Variants in SRC observed in about 807,000 individuals in gnomAD.
The protein encoded by SRC is proto-oncogene tyrosine-protein kinase Src.
In SRC, 13 loss-of-function variants were observed where a neutral mutation model predicts 62.9. That is an observed-to-expected ratio of 0.21 (90% CI 0.13 to 0.33). The LOEUF is 0.33. Among genes scored for constraint, SRC ranks in the 10% least tolerant of loss-of-function variants. The pLI is 1.00. For synonymous variants in SRC, 302 were observed against 317.5 expected (o/e 0.95, Z 0.52); for missense variants, 457 against 737.3 (o/e 0.62, Z 4.40).
chr20:37,366,045 A>G (rs1463221878), intron 2 of SRC, among the ~76,000 whole-genome samples: 3 of 152,166 alleles, frequency 2.0e-5, no homozygotes, highest in Non-Finnish European at 2.9e-5. Context: ...TATGGTAGTC[A>G]CACTTTATTT....
At chr20:37,389,298 C>T (rs750019158) in intron 5 of SRC, among the ~76,000 whole-genome samples, 8 of 152,134 alleles carry the variant, frequency 5.3e-5, no homozygotes, top group Non-Finnish European at 1.2e-4. Context: ...CTGAACTGCC[C>T]CTTCCTCCCA....
chr20:37,383,933 C>G (rs570370425), intron 3 of SRC, among the ~76,000 whole-genome samples: 3 of 151,530 alleles, frequency 2.0e-5, no homozygotes, highest in African/African-American at 4.9e-5. Flanking sequence ...CCCGGGTTTC[C>G]GCGTGTTGGC....
intron 2 of SRC, among the ~76,000 whole-genome samples, 169 bp downstream of exon 2, chr20:37,365,446 A>G (rs2070048827): frequency 1.3e-5 from 2 of 152,138 alleles, no homozygotes; most frequent in South Asian, 4.2e-4. Context: ...TTTCTGGTGT[A>G]TCCTTCCAGG....
In SRC at chr20:37,393,964, G is replaced by T; in HGVS notation, c.420G>T (p.Val140=). 6.2e-7 allele frequency: 1 copy of T among 1,614,110 alleles called. No individual in the cohort carries two copies. The highest frequency in any genetic ancestry group is 8.5e-7 in the Non-Finnish European group (1 of 1,180,034). The part of the protein sequence containing the change: ...GQTGYIPSNY[V]APSDSIQAEE... ...CAGGCTACATCCCCAGCAACTACGT[G>T]GCGCCCTCCGACTCCATCCAGGCTG... Residue 140 remains valine (V), a synonymous_variant, in exon 6 of 14, where the codon GTG becomes GTT. Transcript: ENST00000373578.
chr20:37,402,289 G>A lies in SRC; in HGVS notation c.1117-146G>A, dbSNP rs75373370. On this transcript the variant is annotated intron_variant, in intron 11 of 13. Transcript: ENST00000373578. This position sits in a 1 kb window ranked among gnomAD's most constrained non-coding sequence, Gnocchi z 6.2. Reference sequence around the variant, plus strand: ...ACTGCTCCTGCTTTCGATGCCAACAGCATTTACTGTGAACTGACCTCACTT... The same window carrying A: ...ACTGCTCCTGCTTTCGATGCCAACAACATTTACTGTGAACTGACCTCACTT... 4,699 of 945,828 alleles carry A rather than the reference G, an allele frequency of 5.0e-3. 166 individuals carry two copies. In the African/African-American group the frequency reaches 0.069, roughly 14 times the overall value. The allele number at this position is 945,828 out of a possible 1,614,324, so 58.6% of individuals were successfully genotyped here.
chr20:37,373,375 T>TGC (rs2070219870), intron 2 of SRC, among the ~76,000 whole-genome samples: 1 of 147,310 alleles, frequency 6.8e-6, no homozygotes, highest in Non-Finnish European at 1.5e-5. Context: ...TACACATATA[T>TGC]GTACATTATA....
chr20:37,374,678 G>C (rs753128337), intron 2 of SRC, among the ~76,000 whole-genome samples: 1 of 148,760 alleles, frequency 6.7e-6, no homozygotes, highest in Non-Finnish European at 1.5e-5. Flanking sequence ...AGGTTTAAGC[G>C]ACTCTCATGT....
intron 1 of SRC, among the ~76,000 whole-genome samples, chr20:37,349,082 C>T (rs111887860): frequency 6.6e-6 from 1 of 152,152 alleles, no homozygotes; most frequent in African/African-American, 2.4e-5. Flanking sequence ...CATTGTCACA[C>T]AGGGGGCTGA....
chr20:37,387,660 C>A (rs1181069784), intron 5 of SRC, among the ~76,000 whole-genome samples: 1 of 152,202 alleles, frequency 6.6e-6, no homozygotes, highest in Non-Finnish European at 1.5e-5. Context: ...GTGTCTGCTT[C>A]CCCCCTAAAC....
At chr20:37,388,937 T>G (rs754626) in intron 5 of SRC, among the ~76,000 whole-genome samples, 36,776 of 152,022 alleles carry the variant, frequency 0.24, 4,801 homozygotes, top group African/African-American at 0.31. Flanking sequence ...CAGGGCCTAT[T>G]ACTGTGCAGT....
rs2070795615 is a variant in SRC at position 37,404,576 on chromosome 20, G to C, written c.*1197G>C. The C allele has an allele frequency of 4.3e-6, 1 of 233,630 alleles. No homozygotes were observed. Among genetic ancestry groups the C allele is most frequent in the South Asian group, 1.8e-4 (1 of 5,536 alleles). The allele number at this position is 233,630 out of a possible 1,614,324, so 14.5% of individuals were successfully genotyped here. A position where few individuals can be genotyped will look rare whatever the true frequency, so the allele number is the denominator to read the frequency against. The stretch of plus-strand genomic sequence containing the variant: ...GAGGGAAAAGAGTGCCTAAGCGGGG[G>C]TGAAAGAGGACGTGTTACCCACTGC... On this transcript the variant is annotated 3_prime_UTR_variant, in exon 14 of 14. Transcript: ENST00000373578.
At chr20:37,346,730 A>G (rs927964709) in intron 1 of SRC, among the ~76,000 whole-genome samples, 14 of 152,150 alleles carry the variant, frequency 9.2e-5, no homozygotes, top group Admixed American at 8.5e-4. Context: ...GCCAGGCCGA[A>G]CTGCCAGGAC....
At chr20:37,391,314 G>C (rs2070544058) in intron 5 of SRC, among the ~76,000 whole-genome samples, 1 of 152,184 alleles carries the variant, frequency 6.6e-6, no homozygotes. Context: ...TCTGGGGCCT[G>C]GGGAGGCCCT....
intron 2 of SRC, among the ~76,000 whole-genome samples, chr20:37,379,041 G>C (rs1476919740): frequency 1.3e-5 from 2 of 152,084 alleles, no homozygotes; most frequent in African/African-American, 4.8e-5. Context: ...CAGGCTTAGC[G>C]GGAGGTACTA....
At chr20:37,353,142 TC>T (rs1447788700) in intron 1 of SRC, among the ~76,000 whole-genome samples, 1 of 152,174 alleles carries the variant, frequency 6.6e-6, no homozygotes, top group Non-Finnish European at 1.5e-5. Context: ...CCTCTGTGCA[TC>T]CCCAGCACCA....
Position 37,384,437 on chromosome 20 carries a change from C to CG in SRC, c.250+34_250+35insG. On this transcript the variant is annotated intron_variant, in intron 4 of 13. Transcript: ENST00000373578. This position sits in a 1 kb window ranked among gnomAD's most constrained non-coding sequence, Gnocchi z 6.7. ...GCGGGCGGCGCGGGGTCCTCGCCCA[C>CG]CTGGGGCCACGGCGGGGAGGCGGCG... 7.6e-7 allele frequency: 1 copy of CG among 1,311,790 alleles called. No individual in the cohort carries two copies. The highest frequency in any genetic ancestry group is 2.2e-5 in the South Asian group (1 of 45,218). The allele number at this position is 1,311,790 out of a possible 1,614,324, so 81.3% of individuals were successfully genotyped here. A position where few individuals can be genotyped will look rare whatever the true frequency, so the allele number is the denominator to read the frequency against.
chr20:37,396,532 T>G lies in SRC; in HGVS notation c.703+221T>G. ...AGCCCCCCTCCTCCCTGTCCCCCTCTCTCCCTGCTCCACGCAGTGTCCCAC... is the reference window on the plus strand; with the variant it reads ...AGCCCCCCTCCTCCCTGTCCCCCTCGCTCCCTGCTCCACGCAGTGTCCCAC... On this transcript the variant is annotated intron_variant, in intron 8 of 13. Transcript: ENST00000373578. The surrounding 1 kb of genome is among the most constrained non-coding windows in gnomAD (Gnocchi z 6.1). 1 of 617,128 alleles carries G rather than the reference T, an allele frequency of 1.6e-6. No homozygotes were observed. The highest frequency in any genetic ancestry group is 2.8e-6 in the Non-Finnish European group (1 of 358,872). The allele number at this position is 617,128 out of a possible 1,614,324, so 38.2% of individuals were successfully genotyped here.
In SRC at chr20:37,371,276, G is replaced by A. The variant is rs1227964681; in HGVS notation, c.-173+5999G>A. Among the ~76,000 whole-genome samples the A allele has an allele frequency of 3.9e-5, 6 of 152,144 alleles. No individual in the cohort carries two copies. The East Asian group carries it at 7.7e-4, about 20-fold the overall frequency. ...CCCAAAGTGCTGGGATTACAGGCGT[G>A]AGCCACCGTGCCCAGCCTATTTCTT... On this transcript the variant is annotated intron_variant, in intron 2 of 13. Transcript: ENST00000373578.
intron 2 of SRC, among the ~76,000 whole-genome samples, chr20:37,368,239 G>A (rs2070095517): frequency 6.6e-6 from 1 of 152,064 alleles, no homozygotes; most frequent in African/African-American, 2.4e-5. Context: ...CCAACATGGT[G>A]AAACCCCGTC....
Sources: allele counts gnomAD v4.1 joint callset (sites outside exome capture counted in the v4.1 genomes callset), GRCh38; gene constraint gnomAD v4.1.1; non-coding constraint Gnocchi (gnomAD v3.1); transcripts MANE v1.5; gene names NCBI Gene and HGNC (gene_info 2026-07-23, HGNC 2026-07-21).